DPP6: variants seen among roughly 807,000 people sequenced by gnomAD.
DPP6 encodes dipeptidyl peptidase like 6.
A neutral mutation model predicts 122.6 loss-of-function variants in DPP6; 69 were observed. The ratio of observed to expected loss-of-function variants is 0.56; its 90% CI spans 0.46 to 0.69. DPP6 has a LOEUF of 0.69. Among genes scored for constraint, DPP6 ranks in the 30% least tolerant of loss-of-function variants. The pLI, the probability that DPP6 is intolerant of heterozygous loss-of-function variation, is 0.00. For missense variants in DPP6, 928 were observed against 1,116.9 expected (o/e 0.83, Z 2.41); for synonymous variants, 418 against 433.1 (o/e 0.97, Z 0.43).
At chr7:153,991,278 C>T (rs1413873524) in intron 1 of DPP6, among the ~76,000 whole-genome samples, 2 of 151,898 alleles carry the variant, frequency 1.3e-5, no homozygotes, top group African/African-American at 4.8e-5. Flanking sequence ...AAAAAAAATA[C>T]TTATATATCT....
chr7:153,774,336 A>G, the DPP6 span, among the ~76,000 whole-genome samples: 2 of 152,332 alleles, frequency 1.3e-5, no homozygotes, highest in African/African-American at 4.8e-5. Flanking sequence ...ATCATTGGCA[A>G]GAGATTGCAA....
chr7:154,372,883 T>C (rs1812796814), intron 1 of DPP6, among the ~76,000 whole-genome samples: 1 of 152,150 alleles, frequency 6.6e-6, no homozygotes, highest in South Asian at 2.1e-4. Flanking sequence ...ACAGACCAGC[T>C]TCCCCACCAC....
rs1229701764 is a variant in DPP6, at chr7:154,887,676, C to A, written c.2246C>A (p.Ala749Asp). The change falls in exon 23 of 26, where the codon GCC becomes GAC. Residue 749 changes from alanine to aspartate, a missense_variant and splice_region_variant. Ala to Asp is a moderately radical substitution (Grantham distance 126, BLOSUM62 -2). Coordinates refer to ENST00000377770, the MANE Select transcript of DPP6 (RefSeq NM_130797.4). ...LSPITDFKLY[A>D]SAFSERYLGL... ...CCTCCCTCCCTTTGCTTCCGTGCAG[C>A]CTCTGCGTTTTCCGAGAGGTACTTG... is the stretch of plus-strand genomic sequence containing the variant. 2 of 1,613,742 alleles carry A rather than the reference C, an allele frequency of 1.2e-6. No individual in the cohort carries two copies. The highest frequency in any genetic ancestry group is 8.5e-7 in the Non-Finnish European group (1 of 1,179,744).
At chr7:154,568,446 G>A (rs886420523) in intron 5 of DPP6, among the ~76,000 whole-genome samples, 2 of 152,166 alleles carry the variant, frequency 1.3e-5, no homozygotes, top group African/African-American at 2.4e-5. Context: ...TGAGCATTCC[G>A]TTCCCAGAAG....
At chr7:153,836,422 G>A in the DPP6 span, among the ~76,000 whole-genome samples, 24 of 152,248 alleles carry the variant, frequency 1.6e-4, no homozygotes, top group African/African-American at 5.8e-4. Context: ...ATCTAATATA[G>A]CAGTTTGCTC....
chr7:154,683,265 G>A lies in DPP6; in HGVS notation c.762+13824G>A, dbSNP rs76462806. On this transcript the variant is annotated intron_variant, in intron 7 of 25. Coordinates refer to ENST00000377770, the MANE Select transcript of DPP6 (RefSeq NM_130797.4). ...CAGCCTAGATCGCTCTAGAGCCTGC[G>A]CCTGTCCCGTGAGTGTGAGGCCAAC... is the stretch of plus-strand genomic sequence containing the variant. 6.9e-3 allele frequency among the ~76,000 whole-genome samples: 1,049 copies of A among 152,202 alleles called. 4 individuals are homozygous for A. The highest frequency in any genetic ancestry group is 0.011 in the Non-Finnish European group (746 of 68,016).
chr7:153,780,787 C>T, the DPP6 span, among the ~76,000 whole-genome samples: 14 of 152,218 alleles, frequency 9.2e-5, no homozygotes, highest in Admixed American at 2.0e-4. Flanking sequence ...GTGGCCAGAA[C>T]GTGTTTTTTA....
At position 154,290,885 on chromosome 7, in the gene DPP6, G is replaced by A. The variant is rs555353767; in HGVS notation, c.244-155329G>A. Among the ~76,000 whole-genome samples, 12 of 152,260 alleles carry A rather than the reference G, an allele frequency of 7.9e-5. No homozygotes were observed. In the South Asian group the frequency reaches 2.5e-3, roughly 32 times the overall value. On this transcript the variant is annotated intron_variant, in intron 1 of 25. Coordinates refer to ENST00000377770, the MANE Select transcript of DPP6 (RefSeq NM_130797.4). Reference sequence around the variant, plus strand: ...GACTTGGAGCCCTTCAAAGCCAAGGGCTGTCCCATATGGATAGACCTTCCC... The same window carrying A: ...GACTTGGAGCCCTTCAAAGCCAAGGACTGTCCCATATGGATAGACCTTCCC...
At chr7:154,705,520 G>A (rs550011534) in intron 7 of DPP6, among the ~76,000 whole-genome samples, 1 of 152,200 alleles carries the variant, frequency 6.6e-6, no homozygotes, top group Non-Finnish European at 1.5e-5. Context: ...GAGGCAAGAA[G>A]CAGTAGACTC....
chr7:153,988,108 G>C (rs530845554), intron 1 of DPP6, among the ~76,000 whole-genome samples: 1 of 152,320 alleles, frequency 6.6e-6, no homozygotes, highest in East Asian at 1.9e-4. Flanking sequence ...GGATGGGATT[G>C]CCTCAGTGAA....
intron 1 of DPP6, among the ~76,000 whole-genome samples, chr7:153,953,129 T>A (rs1802298069): frequency 6.6e-6 from 1 of 152,114 alleles, no homozygotes; most frequent in Admixed American, 6.6e-5. Flanking sequence ...AAAATAAATA[T>A]CAATACTACC....
chr7:154,864,793 C>T (rs1030546967), intron 17 of DPP6, among the ~76,000 whole-genome samples: 9 of 152,218 alleles, frequency 5.9e-5, no homozygotes, highest in African/African-American at 1.4e-4. Flanking sequence ...GGTATTCACA[C>T]GCAGCCTGTG....
chr7:153,792,201 A>G, the DPP6 span, among the ~76,000 whole-genome samples: 12 of 152,220 alleles, frequency 7.9e-5, no homozygotes, highest in African/African-American at 2.9e-4. Flanking sequence ...GTTGATGTTC[A>G]CTGTTGTTCC....
In DPP6 at chr7:154,383,890, CA is replaced by C. The variant is rs375015144; in HGVS notation, c.244-62306del. Among the ~76,000 whole-genome samples the C allele has an allele frequency of 9.5e-3, 1,011 of 106,494 alleles. 5 individuals carry two copies. Among genetic ancestry groups the C allele is most frequent in the African/African-American group, 0.017 (445 of 26,698 alleles). The allele number at this position is 106,494 out of a possible 152,430, so 69.9% of individuals were successfully genotyped here. On this transcript the variant is annotated intron_variant, in intron 1 of 25. Transcript: ENST00000377770. ...GGGTGACAGAGTGAGACTCTGTCTC[CA>C]AAAAAAAAAAAAAAAAAGTGTTAAT...
intron 1 of DPP6, among the ~76,000 whole-genome samples, chr7:154,255,132 G>A (rs956827834): frequency 2.0e-5 from 3 of 152,262 alleles, no homozygotes; most frequent in Admixed American, 2.0e-4. Flanking sequence ...AGGGCAGCTA[G>A]TCTATTCAGA....
Position 154,760,818 on chromosome 7 carries a change from A to C in DPP6, c.884-8599A>C, listed in dbSNP as rs1795492602. On this transcript the variant is annotated intron_variant, in intron 8 of 25. Coordinates refer to ENST00000377770, the MANE Select transcript of DPP6 (RefSeq NM_130797.4). The surrounding 1 kb of genome is among the most constrained non-coding windows in gnomAD (Gnocchi z 4.5). ...GTAAAGGAGCCTGGCATACTGGCTC[A>C]GCCTTCCTCTTTCAAAACTTTTGTT... Among the ~76,000 whole-genome samples, 1 of 148,828 alleles carries C rather than the reference A, an allele frequency of 6.7e-6. No homozygotes were observed. Among genetic ancestry groups the C allele is most frequent in the Non-Finnish European group, 1.5e-5 (1 of 67,594 alleles).
At chr7:154,866,035 A>C (rs1803845951) in intron 17 of DPP6, among the ~76,000 whole-genome samples, 1 of 152,222 alleles carries the variant, frequency 6.6e-6, no homozygotes, top group Non-Finnish European at 1.5e-5. Flanking sequence ...AAGTGTATCC[A>C]GAGAGCTTGA....
chr7:154,522,486 C>T (rs762580954), intron 3 of DPP6, among the ~76,000 whole-genome samples: 30 of 152,128 alleles, frequency 2.0e-4, no homozygotes, highest in Non-Finnish European at 3.1e-4. Context: ...CTCCAGGTCT[C>T]GGGAGCACGT....
At chr7:154,011,540 A>T (rs1017001004) in intron 1 of DPP6, among the ~76,000 whole-genome samples, 3 of 151,402 alleles carry the variant, frequency 2.0e-5, no homozygotes, top group Admixed American at 6.6e-5. Context: ...AACTTGAAAA[A>T]CTCAGAAGTG....
Sources: allele counts gnomAD v4.1 joint callset (sites outside exome capture counted in the v4.1 genomes callset), GRCh38; gene constraint gnomAD v4.1.1; non-coding constraint Gnocchi (gnomAD v3.1); transcripts MANE v1.5; gene names NCBI Gene and HGNC (gene_info 2026-07-23, HGNC 2026-07-21).